FHIT: variants seen among roughly 807,000 people sequenced by gnomAD.
FHIT encodes the protein fragile histidine triad diadenosine triphosphatase, also known as bis(5'-adenosyl)-triphosphatase.
In FHIT, 19 loss-of-function variants were observed where a neutral mutation model predicts 17.9. The ratio of observed to expected loss-of-function variants is 1.06; its 90% CI spans 0.74 to 1.56. FHIT has a LOEUF of 1.56. Ranked by LOEUF, FHIT falls within the 40% of genes most tolerant of loss-of-function variation. The pLI, the probability that FHIT is intolerant of heterozygous loss-of-function variation, is 0.00. For synonymous variants in FHIT, 81 were observed against 69.7 expected, an observed-to-expected ratio of 1.16 and a Z score of -0.81; for missense variants, 248 against 189.2, an observed-to-expected ratio of 1.31 and a Z score of -1.82.
At chr3:59,810,818 T>C (rs1700382953) in intron 8 of FHIT, among the ~76,000 whole-genome samples, 1 of 152,244 alleles carries the variant, frequency 6.6e-6, no homozygotes, top group Non-Finnish European at 1.5e-5. Context: ...GCTTTGGTAA[T>C]TAGCGCATGT....
chr3:60,242,982 G>C (rs1051321755), intron 5 of FHIT, among the ~76,000 whole-genome samples: 2 of 151,462 alleles, frequency 1.3e-5, no homozygotes, highest in Admixed American at 1.3e-4. Flanking sequence ...TGAATTGATA[G>C]GCACATTTTC....
At chr3:61,175,466 G>C (rs2038129451) in intron 2 of FHIT, among the ~76,000 whole-genome samples, 1 of 151,996 alleles carries the variant, frequency 6.6e-6, no homozygotes, top group Non-Finnish European at 1.5e-5. Context: ...TATCAACTCA[G>C]CTTGACCTTA....
intron 4 of FHIT, among the ~76,000 whole-genome samples, chr3:60,635,351 G>A (rs7633325): frequency 0.51 from 78,150 of 151,898 alleles, 20,238 homozygotes; most frequent in East Asian, 0.65. Flanking sequence ...CTCGTAAACC[G>A]CATCTTGCCA....
chr3:60,989,566 T>A (rs996803682), intron 3 of FHIT, among the ~76,000 whole-genome samples: 4 of 152,202 alleles, frequency 2.6e-5, no homozygotes, highest in Non-Finnish European at 5.9e-5. Context: ...TTATCAACGT[T>A]GTCAACTGAA....
intron 7 of FHIT, among the ~76,000 whole-genome samples, chr3:59,995,785 C>T (rs1259571908): frequency 6.6e-6 from 1 of 152,032 alleles, no homozygotes; most frequent in Non-Finnish European, 1.5e-5. Context: ...CAACTCGGCA[C>T]GTTCCATTTC....
intron 8 of FHIT, among the ~76,000 whole-genome samples, chr3:59,874,550 C>A (rs191757150): frequency 4.3e-4 from 65 of 152,258 alleles, no homozygotes; most frequent in Admixed American, 4.3e-3. Context: ...AAGATGCCCG[C>A]TGCTCCCTGC....
At chr3:60,820,374 T>C (rs868943856) in intron 4 of FHIT, among the ~76,000 whole-genome samples, 2 of 152,178 alleles carry the variant, frequency 1.3e-5, no homozygotes, top group African/African-American at 4.8e-5. Context: ...CAAATAATTA[T>C]ATGTAAAGGC....
At chr3:60,514,155 G>A (rs2035056849) in intron 5 of FHIT, among the ~76,000 whole-genome samples, 1 of 152,216 alleles carries the variant, frequency 6.6e-6, no homozygotes, top group South Asian at 2.1e-4. Context: ...CTTCCTGGAT[G>A]CCAGACAAGA....
chr3:60,217,798 T>A (rs925050327), intron 5 of FHIT, among the ~76,000 whole-genome samples: 2 of 152,324 alleles, frequency 1.3e-5, no homozygotes, highest in Non-Finnish European at 2.9e-5. Context: ...CTCCTGCCCA[T>A]GGTTCAGATC....
intron 3 of FHIT, among the ~76,000 whole-genome samples, chr3:60,921,014 C>G (rs1483554608): frequency 6.6e-6 from 1 of 152,200 alleles, no homozygotes; most frequent in Non-Finnish European, 1.5e-5. Context: ...CATTTGGTAA[C>G]TCACTCATTC....
At chr3:59,981,826 T>A (rs150736912) in intron 7 of FHIT, among the ~76,000 whole-genome samples, 1 of 152,132 alleles carries the variant, frequency 6.6e-6, no homozygotes, top group African/African-American at 2.4e-5. Context: ...ATATTAATCA[T>A]TTTCTGGAAT....
chr3:59,786,613 AAT>A (rs1304528707), intron 8 of FHIT, among the ~76,000 whole-genome samples: 1 of 152,238 alleles, frequency 6.6e-6, no homozygotes, highest in Non-Finnish European at 1.5e-5. Context: ...ATTGCCTGCA[AAT>A]ACAAATGGTT....
chr3:60,187,739 T>C (rs1406676078), intron 5 of FHIT, among the ~76,000 whole-genome samples: 1 of 152,208 alleles, frequency 6.6e-6, no homozygotes, highest in Non-Finnish European at 1.5e-5. Context: ...GTCCAGGTTC[T>C]GACAGTCAAA....
At chr3:60,452,177 G>T (rs532748441) in intron 5 of FHIT, among the ~76,000 whole-genome samples, 2 of 152,252 alleles carry the variant, frequency 1.3e-5, no homozygotes, top group South Asian at 4.1e-4. Context: ...TCAATTTACA[G>T]TGCAACTCTA....
At chr3:61,022,508 T>C (rs1276903670) in intron 3 of FHIT, among the ~76,000 whole-genome samples, 1 of 152,194 alleles carries the variant, frequency 6.6e-6, no homozygotes, top group Non-Finnish European at 1.5e-5. Context: ...GAGGCCAGCA[T>C]CATCCTGATA....
chr3:60,026,336 A>G lies in FHIT; in HGVS notation c.104-12184T>C, dbSNP rs187064660. On this transcript the variant is annotated intron_variant, in intron 5 of 9. Transcript: ENST00000492590. ...GGTTTAGAAAAAAAAAAAATAGTCA[A>G]TGGAAATGAAATCCTTCAAAGCTTC... is the stretch of plus-strand genomic sequence containing the variant. 1.8e-3 allele frequency among the ~76,000 whole-genome samples: 274 copies of G among 152,328 alleles called. 4 individuals carry two copies. The highest frequency in any genetic ancestry group is 5.6e-3 in the African/African-American group (233 of 41,584).
chr3:61,226,705 GAA>G (rs1560094766), intron 1 of FHIT, among the ~76,000 whole-genome samples: 1 of 152,194 alleles, frequency 6.6e-6, no homozygotes, highest in Non-Finnish European at 1.5e-5. Flanking sequence ...AAGAGAGAGA[GAA>G]AGAGAAAAAA....
At chr3:60,062,855 A>G (rs1702348450) in intron 5 of FHIT, among the ~76,000 whole-genome samples, 1 of 152,184 alleles carries the variant, frequency 6.6e-6, no homozygotes, top group African/African-American at 2.4e-5. Flanking sequence ...TCTCAGAGTT[A>G]AAGACTGGAG....
intron 4 of FHIT, among the ~76,000 whole-genome samples, chr3:60,635,801 T>C (rs561099843): frequency 6.6e-6 from 1 of 152,018 alleles, no homozygotes; most frequent in East Asian, 1.9e-4. Flanking sequence ...AAGAGCAGGG[T>C]TGGCAAACTT....
Sources: allele counts gnomAD v4.1 joint callset (sites outside exome capture counted in the v4.1 genomes callset), GRCh38; gene constraint gnomAD v4.1.1; transcripts MANE v1.5; gene names NCBI Gene and HGNC (gene_info 2026-07-23, HGNC 2026-07-21).